DHX34: variants seen among roughly 807,000 people sequenced by gnomAD.
DHX34 encodes probable ATP-dependent RNA helicase DHX34.
Under a neutral mutation model 111.1 loss-of-function variants are expected in DHX34, and 96 were observed. The ratio of observed to expected loss-of-function variants is 0.86; its 90% CI spans 0.73 to 1.02. The LOEUF (loss-of-function observed/expected upper bound fraction) is 1.02. Among genes scored for constraint, DHX34 ranks in the 50% least tolerant of loss-of-function variants. The pLI, the probability that DHX34 is intolerant of heterozygous loss-of-function variation, is 0.00. For synonymous variants in DHX34, 688 were observed against 670.4 expected (o/e 1.03, Z -0.41); for missense variants, 1,560 against 1,579.9 (o/e 0.99, Z 0.21).
At position 47,379,331 on chromosome 19, in the gene DHX34, A is replaced by G. The variant is rs1393615532; in HGVS notation, c.2707-379A>G. 2.8e-5 allele frequency among the ~76,000 whole-genome samples: 4 copies of G among 143,224 alleles called. No individual in the cohort carries two copies. The East Asian group carries it at 7.7e-4, about 28-fold the overall frequency. 94.0% of individuals were successfully genotyped at this position (143,224 alleles called of 152,430 possible). On this transcript the variant is annotated intron_variant, in intron 13 of 16. Coordinates refer to ENST00000328771, the MANE Select transcript of DHX34 (RefSeq NM_014681.6). ...TCCCCAACATCTTATGAGCCACAGC[A>G]CTGGTAATTACAGCGCTGACTTCCG...
At chr19:47,364,232 C>G in intron 6 of DHX34, among the ~76,000 whole-genome samples, 1 of 152,116 alleles carries the variant, frequency 6.6e-6, no homozygotes, top group East Asian at 1.9e-4. Context: ...ACTCACCACT[C>G]CTGGTCAGTC....
At chr19:47,374,894 A>C (rs557296590) in intron 9 of DHX34, among the ~76,000 whole-genome samples, 17 of 152,344 alleles carry the variant, frequency 1.1e-4, no homozygotes, top group African/African-American at 4.1e-4. Context: ...AGGGCTCAGC[A>C]GGAAACAGAA....
intron 2 of DHX34, among the ~76,000 whole-genome samples, chr19:47,354,339 G>T (rs891927354): frequency 6.6e-6 from 1 of 152,056 alleles, no homozygotes; most frequent in African/African-American, 2.4e-5. Context: ...CTGTCTCATG[G>T]TGGTCATGAG....
At chr19:47,376,393 A>G in intron 11 of DHX34, 50 bp from the exon 12 acceptor site, 1 of 1,578,830 alleles carries the variant, frequency 6.3e-7, no homozygotes, top group South Asian at 1.1e-5. Context: ...CATCCTGGGC[A>G]GAGGAGAGAG....
At chr19:47,380,089 C>A in intron 14 of DHX34, 104 bp downstream of exon 14, 2 of 1,451,306 alleles carry the variant, frequency 1.4e-6, no homozygotes, top group South Asian at 1.5e-5. Flanking sequence ...TCCACATGGG[C>A]ACATTTGGGG....
At chr19:47,369,576 T>C (rs1969904319) in intron 7 of DHX34, among the ~76,000 whole-genome samples, 1 of 152,146 alleles carries the variant, frequency 6.6e-6, no homozygotes, top group East Asian at 1.9e-4. Context: ...CAGGGGCAGA[T>C]AAATGAGTGA....
rs531789797 is a variant in DHX34 at position 47,373,639 on chromosome 19, G to A, written c.2003G>A (p.Arg668His). Residue 668 changes from arginine to histidine, a missense_variant, in exon 9 of 17, where the codon CGC becomes CAC. Arg to His is a conservative substitution (Grantham distance 29). Transcript: ENST00000328771. ...AGCAGAAACTCTCGCAAGTGGTGCC[G>A]CCGCCGGGGCATAGAGGAGCATCGA... ...ERSRNSRKWCRRRGIEEHRLY... is the reference protein window; with the variant it reads ...ERSRNSRKWCHRRGIEEHRLY... 58 of 1,613,928 alleles carry A rather than the reference G, an allele frequency of 3.6e-5. No individual in the cohort carries two copies. In the East Asian group the frequency reaches 5.3e-4, roughly 15 times the overall value.
chr19:47,372,928 G>A lies in DHX34; in HGVS notation c.1962+5G>A, dbSNP rs1225517824. ...GTCTTCAACGCCTGGGTGCAGGTGA[G>A]GCTGGTGGTGGGGGCCCTCTGTCTG... On this transcript the variant is annotated splice_donor_5th_base_variant and intron_variant, in intron 8 of 16. Coordinates refer to ENST00000328771, the MANE Select transcript of DHX34 (RefSeq NM_014681.6). 1.9e-6 allele frequency: 3 copies of A among 1,586,634 alleles called. No individual in the cohort carries two copies. The Admixed American group carries it at 5.1e-5, about 27-fold the overall frequency.
intron 11 of DHX34, 133 bp downstream of exon 11, chr19:47,376,230 G>A (rs545001485): frequency 1.4e-6 from 2 of 1,436,342 alleles, no homozygotes; most frequent in African/African-American, 2.9e-5. Flanking sequence ...AACCCAGTGG[G>A]AGGACAGACC....
chr19:47,372,333 G>A (rs1969989743), intron 7 of DHX34, among the ~76,000 whole-genome samples: 1 of 152,022 alleles, frequency 6.6e-6, no homozygotes, highest in Admixed American at 6.6e-5. Context: ...GCGCGGAGGA[G>A]AGACGTCCAC....
chr19:47,366,812 G>C (rs1301559479), intron 6 of DHX34, 169 bp from the exon 7 acceptor site: 6 of 979,574 alleles, frequency 6.1e-6, no homozygotes, highest in Non-Finnish European at 7.3e-6. Flanking sequence ...GACCTCAAGT[G>C]ATCCGCTTGC....
chr19:47,375,368 G>T, intron 9 of DHX34, 98 bp from the exon 10 acceptor site: 2 of 1,438,746 alleles, frequency 1.4e-6, no homozygotes, highest in Non-Finnish European at 1.8e-6. Flanking sequence ...CCCCCTTTGG[G>T]CACTAGCAGC....
At chr19:47,371,450 G>A (rs904612596) in intron 7 of DHX34, among the ~76,000 whole-genome samples, 7 of 152,180 alleles carry the variant, frequency 4.6e-5, no homozygotes, top group East Asian at 1.9e-4. Context: ...TTGTTCCCCC[G>A]TTTACAGATG....
Position 47,382,657 on chromosome 19 carries a change from G to A in DHX34, c.*544G>A, listed in dbSNP as rs576867672. On this transcript the variant is annotated 3_prime_UTR_variant, in exon 17 of 17. Coordinates refer to ENST00000328771, the MANE Select transcript of DHX34 (RefSeq NM_014681.6). ...AAAAATAAAAGGCCGAGCCGGGCATGGTTGCTCACTCCCGTAATAAAAAAA... is the reference window on the plus strand; with the variant it reads ...AAAAATAAAAGGCCGAGCCGGGCATAGTTGCTCACTCCCGTAATAAAAAAA... 1.8e-4 allele frequency: 27 copies of A among 152,626 alleles called. 1 individual carries two copies. The South Asian group carries it at 5.3e-3, about 30-fold the overall frequency. 9.5% of individuals were successfully genotyped at this position (152,626 alleles called of 1,614,324 possible).
chr19:47,380,564 G>A (rs1970320088), intron 14 of DHX34: 1 of 947,028 alleles, frequency 1.1e-6, no homozygotes, highest in Admixed American at 6.2e-5. Context: ...CTCAAGGTCT[G>A]AATGGGGTCC....
In DHX34 at chr19:47,367,454, C is replaced by T. The variant is rs921389568; in HGVS notation, c.1768+299C>T. Among the ~76,000 whole-genome samples, 11 of 152,156 alleles carry T rather than the reference C, an allele frequency of 7.2e-5. 1 individual carries two copies. Among genetic ancestry groups the T allele is most frequent in the South Asian group, 2.1e-4 (1 of 4,826 alleles). On this transcript the variant is annotated intron_variant, in intron 7 of 16. Coordinates refer to ENST00000328771, the MANE Select transcript of DHX34 (RefSeq NM_014681.6). ...CTAGTGTTCTGGAGAGAAGAAACAACGGGGTTGGGGAATGGGGAGTTGCAG... is the reference window on the plus strand; with the variant it reads ...CTAGTGTTCTGGAGAGAAGAAACAATGGGGTTGGGGAATGGGGAGTTGCAG...
At chr19:47,368,881 TTTTTGTTTTG>T (rs528149149) in intron 7 of DHX34, among the ~76,000 whole-genome samples, 1 of 151,830 alleles carries the variant, frequency 6.6e-6, no homozygotes, top group Non-Finnish European at 1.5e-5. Context: ...ACCTGGCTAA[TTTTTGTTTTG>T]TTTTGTTTTG....
rs1390750345 is a variant in DHX34, at chr19:47,372,767, G to A, written c.1806G>A (p.Val602=). 6.2e-7 allele frequency: 1 copy of A among 1,612,288 alleles called. No homozygotes were observed. The highest frequency in any genetic ancestry group is 1.3e-5 in the African/African-American group (1 of 74,894). ...MLILGSMFSL[V]EPVLTIAAAL... ...TCCTGGGCTCCATGTTCAGCCTGGT[G>A]GAGCCTGTGCTCACCATCGCAGCCG... The change falls in exon 8 of 17, where the codon GTG becomes GTA. Residue 602 remains valine, a synonymous_variant. Coordinates refer to ENST00000328771, the MANE Select transcript of DHX34 (RefSeq NM_014681.6).
chr19:47,352,012 G>A (rs1344801340), intron 1 of DHX34, among the ~76,000 whole-genome samples: 1 of 152,168 alleles, frequency 6.6e-6, no homozygotes, highest in African/African-American at 2.4e-5. Context: ...CTGGACCCCG[G>A]GTGAAGAACC....
Sources: gnomAD v4.1 joint callset for allele counts (sites outside exome capture counted in the v4.1 genomes callset) on GRCh38, gnomAD v4.1.1 for gene constraint, MANE v1.5 for transcripts, NCBI Gene and HGNC (gene_info 2026-07-23, HGNC 2026-07-21) for gene names.